The following HHAT variants were observed in gnomAD, a reference collection of about 807,000 sequenced individuals.
The protein encoded by HHAT is protein-cysteine N-palmitoyltransferase HHAT.
A neutral mutation model predicts 70.8 loss-of-function variants in HHAT; 47 were observed. The observed-to-expected ratio is 0.66, with a 90% confidence interval of 0.53 to 0.85. The LOEUF is 0.85. Ranked by LOEUF, HHAT falls within the 40% of genes least tolerant of loss-of-function variation. The pLI is 0.00. For synonymous variants in HHAT, 228 were observed against 247.6 expected (o/e 0.92, Z 0.74); for missense variants, 609 against 604.8 (o/e 1.01, Z -0.07).
chr1:210,641,162 G>A (rs142174759), intron 11 of HHAT, among the ~76,000 whole-genome samples: 28 of 152,252 alleles, frequency 1.8e-4, no homozygotes, highest in African/African-American at 5.1e-4. Context: ...ATGTGTTTTC[G>A]GGAAGAATTG....
intron 8 of HHAT, among the ~76,000 whole-genome samples, chr1:210,470,307 C>T (rs1288658635): frequency 6.6e-6 from 1 of 152,120 alleles, no homozygotes; most frequent in Non-Finnish European, 1.5e-5. Flanking sequence ...ATGACCTCTC[C>T]CTCACTGCTC....
intron 7 of HHAT, among the ~76,000 whole-genome samples, chr1:210,450,297 G>GGGC (rs1553374419): frequency 3.3e-5 from 5 of 151,076 alleles, no homozygotes; most frequent in Admixed American, 1.3e-4. Context: ...TCTCAGGTGG[G>GGGC]GGGGGTGGGA....
intron 10 of HHAT, among the ~76,000 whole-genome samples, chr1:210,606,033 T>C (rs951911931): frequency 6.6e-6 from 1 of 152,036 alleles, no homozygotes; most frequent in Non-Finnish European, 1.5e-5. Context: ...TTTTTTTTTA[T>C]TTTTAGTAGA....
chr1:210,629,826 TG>T (rs1670510796), intron 11 of HHAT, among the ~76,000 whole-genome samples: 1 of 36,458 alleles, frequency 2.7e-5, no homozygotes, highest in African/African-American at 6.3e-5. Flanking sequence ...CTCCTGTTTC[TG>T]TTTTTTTTTT....
chr1:210,444,886 C>G, intron 7 of HHAT, among the ~76,000 whole-genome samples: 1 of 152,196 alleles, frequency 6.6e-6, no homozygotes, highest in East Asian at 1.9e-4. Flanking sequence ...GTTGCCCAGG[C>G]TGGAGTGCAG....
At chr1:210,607,847 C>T (rs995965499) in intron 10 of HHAT, among the ~76,000 whole-genome samples, 5 of 152,092 alleles carry the variant, frequency 3.3e-5, no homozygotes, top group African/African-American at 4.8e-5. Flanking sequence ...TACCCACCCC[C>T]TAACAACCAC....
At chr1:210,494,569 T>G (rs1006529881) in intron 8 of HHAT, among the ~76,000 whole-genome samples, 1 of 122,622 alleles carries the variant, frequency 8.2e-6, no homozygotes, top group African/African-American at 3.0e-5. Context: ...TTTTTTTTTT[T>G]GAGACAGAGT....
chr1:210,574,166 C>T (rs1418528989), intron 9 of HHAT, among the ~76,000 whole-genome samples: 1 of 152,164 alleles, frequency 6.6e-6, no homozygotes, highest in Admixed American at 6.5e-5. Context: ...GAGATGAATG[C>T]ATGAATCTTA....
intron 9 of HHAT, among the ~76,000 whole-genome samples, chr1:210,540,251 A>C (rs529375697): frequency 6.6e-6 from 1 of 152,338 alleles, no homozygotes; most frequent in South Asian, 2.1e-4. Flanking sequence ...ATCTGACATA[A>C]AAGATGTTCC....
intron 11 of HHAT, among the ~76,000 whole-genome samples, chr1:210,654,639 A>G (rs74156005): frequency 0.017 from 2,585 of 152,318 alleles, 78 homozygotes; most frequent in African/African-American, 0.058. Context: ...TAGGAGCTCA[A>G]TAAGTGTTGA....
chr1:210,582,265 G>A (rs1315875989), intron 9 of HHAT, among the ~76,000 whole-genome samples: 1 of 152,114 alleles, frequency 6.6e-6, no homozygotes, highest in Non-Finnish European at 1.5e-5. Flanking sequence ...AAGCCAAGTG[G>A]GGAGAAGGGA....
intron 8 of HHAT, among the ~76,000 whole-genome samples, chr1:210,499,816 C>T (rs1388869981): frequency 2.6e-5 from 4 of 152,138 alleles, no homozygotes; most frequent in Non-Finnish European, 5.9e-5. Flanking sequence ...AACCCTGAAA[C>T]TCTACTTATA....
chr1:210,602,339 T>C (rs1664466761), intron 10 of HHAT, among the ~76,000 whole-genome samples: 1 of 152,020 alleles, frequency 6.6e-6, no homozygotes, highest in African/African-American at 2.4e-5. Context: ...CTGATGTTCA[T>C]GGTGGTCAGT....
intron 7 of HHAT, among the ~76,000 whole-genome samples, chr1:210,457,337 TA>T (rs976004738): frequency 2.0e-5 from 3 of 151,456 alleles, no homozygotes; most frequent in Non-Finnish European, 4.4e-5. Context: ...AAAAACTTAT[TA>T]AAAAAAAGTC....
At chr1:210,622,099 A>G (rs1056504857) in intron 10 of HHAT, among the ~76,000 whole-genome samples, 2 of 152,210 alleles carry the variant, frequency 1.3e-5, no homozygotes, top group Non-Finnish European at 1.5e-5. Flanking sequence ...GTAGGGCCGC[A>G]TAATAAGTAA....
At chr1:210,496,246 C>T (rs1412433773) in intron 8 of HHAT, among the ~76,000 whole-genome samples, 1 of 152,094 alleles carries the variant, frequency 6.6e-6, no homozygotes, top group African/African-American at 2.4e-5. Flanking sequence ...CTCTTCCAGG[C>T]CTATGCCTGT....
intron 8 of HHAT, among the ~76,000 whole-genome samples, chr1:210,485,693 G>C (rs1407242408): frequency 1.3e-5 from 2 of 151,872 alleles, no homozygotes; most frequent in African/African-American, 4.8e-5. Context: ...AGCAGACAAA[G>C]AGAGAATGAG....
intron 6 of HHAT, among the ~76,000 whole-genome samples, chr1:210,416,177 CTCTT>C (rs1187860038): frequency 6.6e-6 from 1 of 152,186 alleles, no homozygotes; most frequent in Admixed American, 6.5e-5. Flanking sequence ...GTGTAGCTCT[CTCTT>C]TCCCGCTGGG....
chr1:210,362,153 G>T (rs1447688349), intron 2 of HHAT, among the ~76,000 whole-genome samples: 1 of 151,740 alleles, frequency 6.6e-6, no homozygotes, highest in Non-Finnish European at 1.5e-5. Flanking sequence ...ACCATTATAT[G>T]ACTATTTTAT....
Sources: allele counts gnomAD v4.1 joint callset (sites outside exome capture counted in the v4.1 genomes callset), GRCh38; gene constraint gnomAD v4.1.1; transcripts MANE v1.5; gene names NCBI Gene and HGNC (gene_info 2026-07-23, HGNC 2026-07-21).